Variants in DGKB observed in about 807,000 individuals in gnomAD.
DGKB encodes the protein 90 kDa diacylglycerol kinase.
In DGKB, 67 loss-of-function variants were observed where a neutral mutation model predicts 114.3. That is an observed-to-expected ratio of 0.59 (90% CI 0.48 to 0.72). The LOEUF (loss-of-function observed/expected upper bound fraction) is 0.72. Among genes scored for constraint, DGKB ranks in the 30% least tolerant of loss-of-function variants. The pLI is 0.00. For missense variants in DGKB, 907 were observed against 975.2 expected, an observed-to-expected ratio of 0.93 and a Z score of 0.93; for synonymous variants, 398 against 323.1, an observed-to-expected ratio of 1.23 and a Z score of -2.49.
intron 23 of DGKB, among the ~76,000 whole-genome samples, chr7:14,181,773 A>G (rs1782668235): frequency 6.6e-6 from 1 of 152,190 alleles, no homozygotes; most frequent in Admixed American, 6.5e-5. Flanking sequence ...GTTCAGTTTA[A>G]TGTTATAAAG....
intron 23 of DGKB, among the ~76,000 whole-genome samples, chr7:14,252,002 T>G (rs529573719): frequency 2.0e-5 from 3 of 152,318 alleles, no homozygotes; most frequent in East Asian, 3.9e-4. Flanking sequence ...CTATTTGGAT[T>G]ATTTGGGCTT....
intron 25 of DGKB, among the ~76,000 whole-genome samples, chr7:14,165,860 T>C (rs983353580): frequency 1.3e-5 from 2 of 152,226 alleles, no homozygotes; most frequent in Non-Finnish European, 2.9e-5. Context: ...TAAAGGAGTC[T>C]CATTGGACTA....
chr7:14,213,649 C>T (rs1584495070), intron 23 of DGKB, among the ~76,000 whole-genome samples: 2 of 152,260 alleles, frequency 1.3e-5, no homozygotes, highest in South Asian at 4.2e-4. Context: ...CCCTTAGTGT[C>T]ATCCTGTGGG....
chr7:14,271,986 C>T (rs974530046), intron 23 of DGKB, among the ~76,000 whole-genome samples: 4 of 152,158 alleles, frequency 2.6e-5, no homozygotes, highest in African/African-American at 9.7e-5. Flanking sequence ...AATAATTGTA[C>T]CATGTTAGCA....
chr7:14,970,236 T>C (rs1787379007), intron 1 of DGKB, among the ~76,000 whole-genome samples: 1 of 152,268 alleles, frequency 6.6e-6, no homozygotes, highest in South Asian at 2.1e-4. Context: ...GATGATGAAC[T>C]ATCACCATCA....
chr7:14,611,663 C>A (rs1486671003), intron 16 of DGKB, among the ~76,000 whole-genome samples: 1 of 151,752 alleles, frequency 6.6e-6, no homozygotes, highest in Non-Finnish European at 1.5e-5. Flanking sequence ...TTGAAGCCCC[C>A]AGTAAATTTA....
chr7:14,718,689 G>GAA lies in DGKB; in HGVS notation c.323-6_323-5dup. The GAA allele has an allele frequency of 6.3e-7, 1 of 1,583,992 alleles. No homozygotes were observed. The highest frequency in any genetic ancestry group is 8.6e-7 in the Non-Finnish European group (1 of 1,168,970). On this transcript the variant is annotated splice_region_variant and splice_polypyrimidine_tract_variant and intron_variant, in intron 5 of 25. Transcript: ENST00000402815. The stretch of plus-strand genomic sequence containing the variant: ...GCACCTTTATTCATTCTCAGACCTG[G>GAA]AAAAAAAATTGTCTTTATATTTTGT...
intron 3 of DGKB, 81 bp downstream of exon 3, chr7:14,757,574 A>G (rs1055521055): frequency 1.9e-5 from 15 of 799,914 alleles, no homozygotes; most frequent in Non-Finnish European, 2.9e-5. Flanking sequence ...ACACACATAC[A>G]TTTTTCCAAG....
chr7:14,802,667 T>C (rs1842321407), intron 2 of DGKB, among the ~76,000 whole-genome samples: 1 of 152,136 alleles, frequency 6.6e-6, no homozygotes, highest in Non-Finnish European at 1.5e-5. Flanking sequence ...TGAATAGTTG[T>C]GAACCTACCA....
At chr7:14,792,809 T>C (rs1840861769) in intron 2 of DGKB, among the ~76,000 whole-genome samples, 1 of 152,150 alleles carries the variant, frequency 6.6e-6, no homozygotes, top group Non-Finnish European at 1.5e-5. Context: ...AATACTTCCA[T>C]TTCAATCCAC....
At chr7:14,732,901 C>G (rs901039811) in intron 5 of DGKB, among the ~76,000 whole-genome samples, 8 of 152,092 alleles carry the variant, frequency 5.3e-5, no homozygotes, top group African/African-American at 1.9e-4. Flanking sequence ...CAGAATTGTT[C>G]TCTTTCTTCC....
At chr7:14,224,779 C>A (rs985735270) in intron 23 of DGKB, among the ~76,000 whole-genome samples, 3 of 151,986 alleles carry the variant, frequency 2.0e-5, no homozygotes, top group Non-Finnish European at 2.9e-5. Flanking sequence ...GCTATATGCC[C>A]TGCAATGATA....
intron 1 of DGKB, among the ~76,000 whole-genome samples, chr7:14,960,410 A>G (rs1786773984): frequency 6.6e-6 from 1 of 152,062 alleles, no homozygotes; most frequent in South Asian, 2.1e-4. Context: ...ACTTACATTT[A>G]TATACTAAAA....
At chr7:14,460,380 C>G (rs184396934) in intron 21 of DGKB, among the ~76,000 whole-genome samples, 2 of 151,064 alleles carry the variant, frequency 1.3e-5, no homozygotes, top group African/African-American at 4.9e-5. Flanking sequence ...CACACATAGG[C>G]TCAAAATAAA....
intron 23 of DGKB, among the ~76,000 whole-genome samples, chr7:14,211,306 A>G (rs35146073): frequency 0.031 from 2,796 of 91,514 alleles, 341 homozygotes; most frequent in East Asian, 0.14. Context: ...ATTTACTCTC[A>G]TGTTTTGTGA....
intron 5 of DGKB, among the ~76,000 whole-genome samples, chr7:14,725,036 G>T (rs561292441): frequency 3.9e-5 from 6 of 152,254 alleles, no homozygotes; most frequent in Admixed American, 6.5e-5. Flanking sequence ...CCCATTTGGG[G>T]TGGCATGCAT....
Position 14,412,605 on chromosome 7 carries a change from T to G in DGKB, c.1835+65556A>C, listed in dbSNP as rs147705230. Among the ~76,000 whole-genome samples the G allele has an allele frequency of 1.3e-3, 191 of 151,538 alleles. 1 individual carries two copies. The highest frequency in any genetic ancestry group is 4.5e-3 in the African/African-American group (184 of 41,286). ...GTTTAAAATACACTGTTAAGGAGAG[T>G]TGAGGAGGTGATCGTATAAGAAAAA... On this transcript the variant is annotated intron_variant, in intron 21 of 25. Coordinates refer to ENST00000402815, the MANE Select transcript of DGKB (RefSeq NM_001350709.2).
chr7:14,911,140 A>AT (rs1256520188), intron 1 of DGKB, among the ~76,000 whole-genome samples: 1 of 152,036 alleles, frequency 6.6e-6, no homozygotes, highest in Non-Finnish European at 1.5e-5. Flanking sequence ...ATAGTTATCA[A>AT]TTTTTTGTAG....
chr7:14,675,531 T>C (rs894922140), intron 12 of DGKB, among the ~76,000 whole-genome samples: 1 of 151,912 alleles, frequency 6.6e-6, no homozygotes, highest in Non-Finnish European at 1.5e-5. Context: ...GGCAACTCTG[T>C]ATATTGGGAT....
Sources: allele counts gnomAD v4.1 joint callset (sites outside exome capture counted in the v4.1 genomes callset), GRCh38; gene constraint gnomAD v4.1.1; transcripts MANE v1.5; gene names NCBI Gene and HGNC (gene_info 2026-07-23, HGNC 2026-07-21).